CTNND2: variants seen among roughly 807,000 people sequenced by gnomAD.
The protein encoded by CTNND2 is catenin delta-2.
CTNND2 carries 22 observed loss-of-function variants against 144.4 expected under a neutral mutation model. The ratio of observed to expected loss-of-function variants is 0.15; its 90% CI spans 0.11 to 0.22. The LOEUF (loss-of-function observed/expected upper bound fraction) is 0.22. Ranked by LOEUF, CTNND2 falls within the 10% of genes least tolerant of loss-of-function variation. The pLI, the probability that CTNND2 is intolerant of heterozygous loss-of-function variation, is 1.00. For synonymous variants in CTNND2, 751 were observed against 695.6 expected, an observed-to-expected ratio of 1.08 and a Z score of -1.25; for missense variants, 1,353 against 1,618.8, an observed-to-expected ratio of 0.84 and a Z score of 2.82.
Position 11,140,881 on chromosome 5 carries a change from G to A in CTNND2, c.2159+18695C>T, listed in dbSNP as rs913546210. Among the ~76,000 whole-genome samples the A allele has an allele frequency of 1.1e-4, 16 of 152,158 alleles. 1 individual carries two copies. Among genetic ancestry groups the A allele is most frequent in the Admixed American group, 5.9e-4 (9 of 15,274 alleles). On this transcript the variant is annotated intron_variant, in intron 12 of 21. Transcript: ENST00000304623. ...AATTAACTGGTTTGGCTCTGGGTTG[G>A]AAGGTAAGAGACAATTACTAATACT...
chr5:11,110,548 T>C (rs989172690), intron 14 of CTNND2, among the ~76,000 whole-genome samples: 2 of 152,174 alleles, frequency 1.3e-5, no homozygotes, highest in African/African-American at 4.8e-5. Context: ...GCTCCGACAA[T>C]GCCCTAAGTA....
intron 3 of CTNND2, among the ~76,000 whole-genome samples, chr5:11,531,061 C>T (rs1177733680): frequency 6.6e-6 from 1 of 152,200 alleles, no homozygotes; most frequent in Non-Finnish European, 1.5e-5. Context: ...GTTTACTCTA[C>T]TGGCAAGAGA....
chr5:11,903,692 C>T lies in CTNND2; in HGVS notation c.37+125G>A. 2 of 1,051,320 alleles carry T rather than the reference C, an allele frequency of 1.9e-6. No homozygotes were observed. The highest frequency in any genetic ancestry group is 2.5e-6 in the Non-Finnish European group (2 of 785,604). 65.1% of individuals were successfully genotyped at this position (1,051,320 alleles called of 1,614,324 possible). ...TCCTCCCCGAGGCAGGCAGAAACCC[C>T]GCAGCAGCCGCCGCCGCCGCCTGCC... On this transcript the variant is annotated intron_variant, in intron 1 of 21. Coordinates refer to ENST00000304623, the MANE Select transcript of CTNND2 (RefSeq NM_001332.4). The surrounding 1 kb of genome is among the most constrained non-coding windows in gnomAD (Gnocchi z 5.4).
At chr5:11,664,159 C>A (rs946269695) in intron 2 of CTNND2, among the ~76,000 whole-genome samples, 13 of 152,150 alleles carry the variant, frequency 8.5e-5, no homozygotes, top group Non-Finnish European at 1.5e-5. Context: ...AACCTTGATA[C>A]CTTTATTCAA....
chr5:11,727,221 C>T (rs989855124), intron 2 of CTNND2, among the ~76,000 whole-genome samples: 9 of 152,194 alleles, frequency 5.9e-5, no homozygotes, highest in African/African-American at 2.2e-4. Context: ...CATCCCTTTC[C>T]TTCATACATG....
intron 18 of CTNND2, among the ~76,000 whole-genome samples, chr5:10,994,893 G>C (rs1739177182): frequency 6.6e-6 from 1 of 152,132 alleles, no homozygotes; most frequent in Non-Finnish European, 1.5e-5. Context: ...CACACTGGAG[G>C]GTTTGCTGGT....
chr5:11,171,753 T>G (rs896505875), intron 11 of CTNND2, among the ~76,000 whole-genome samples: 7 of 152,170 alleles, frequency 4.6e-5, no homozygotes, highest in African/African-American at 1.7e-4. Context: ...AAAGTCACCA[T>G]GGGAGGGCAT....
chr5:11,453,332 T>C (rs1765452746), intron 3 of CTNND2, among the ~76,000 whole-genome samples: 1 of 152,212 alleles, frequency 6.6e-6, no homozygotes, highest in Admixed American at 6.5e-5. Context: ...CAATGACATA[T>C]GCGGCTGCAG....
At chr5:11,716,104 A>G (rs1013432932) in intron 2 of CTNND2, among the ~76,000 whole-genome samples, 4 of 152,198 alleles carry the variant, frequency 2.6e-5, no homozygotes, top group African/African-American at 9.6e-5. Flanking sequence ...CAACATGAGC[A>G]TGGGGTATCT....
intron 10 of CTNND2, among the ~76,000 whole-genome samples, chr5:11,225,486 G>C: frequency 6.6e-6 from 1 of 152,170 alleles, no homozygotes; most frequent in East Asian, 1.9e-4. Context: ...CTTCTTCAGA[G>C]ATTCTCTTCC....
chr5:11,106,606 G>T (rs950800220), intron 14 of CTNND2, among the ~76,000 whole-genome samples: 1 of 152,164 alleles, frequency 6.6e-6, no homozygotes, highest in South Asian at 2.1e-4. Context: ...TACAAGTTGG[G>T]TTTTTGTTCA....
chr5:11,265,274 T>C (rs1300914601), intron 9 of CTNND2, among the ~76,000 whole-genome samples: 1 of 152,182 alleles, frequency 6.6e-6, no homozygotes, highest in Admixed American at 6.5e-5. Context: ...AAAAATAATG[T>C]ACATGAGAGA....
chr5:11,720,702 T>C (rs1281995301), intron 2 of CTNND2, among the ~76,000 whole-genome samples: 1 of 152,226 alleles, frequency 6.6e-6, no homozygotes, highest in Non-Finnish European at 1.5e-5. Flanking sequence ...GCTAATATTT[T>C]TAAATATAAT....
At chr5:11,844,399 CACACAT>C (rs1794637456) in intron 1 of CTNND2, among the ~76,000 whole-genome samples, 1 of 152,070 alleles carries the variant, frequency 6.6e-6, no homozygotes, top group Admixed American at 6.6e-5. Context: ...CACACATACA[CACACAT>C]ACACATACAC....
chr5:11,240,509 A>T (rs1304549584), intron 9 of CTNND2, among the ~76,000 whole-genome samples: 5 of 114,086 alleles, frequency 4.4e-5, no homozygotes, highest in Non-Finnish European at 7.1e-5. Flanking sequence ...CACACACCCA[A>T]CACACACACA....
intron 1 of CTNND2, among the ~76,000 whole-genome samples, chr5:11,848,462 A>C (rs1415165512): frequency 2.0e-5 from 3 of 152,182 alleles, no homozygotes; most frequent in African/African-American, 7.2e-5. Context: ...TGGGAAAATT[A>C]ATTACTACCC....
At chr5:11,122,870 G>A (rs1754284995) in intron 12 of CTNND2, among the ~76,000 whole-genome samples, 1 of 152,184 alleles carries the variant, frequency 6.6e-6, no homozygotes, top group South Asian at 2.1e-4. Flanking sequence ...GCAGGCCGGG[G>A]AGGCAGAAGA....
At chr5:11,798,911 G>C (rs1791539753) in intron 1 of CTNND2, among the ~76,000 whole-genome samples, 1 of 152,258 alleles carries the variant, frequency 6.6e-6, no homozygotes, top group Admixed American at 6.5e-5. Flanking sequence ...ACTTTAAAAT[G>C]TTTGTGCTCT....
intron 2 of CTNND2, among the ~76,000 whole-genome samples, chr5:11,712,110 T>C (rs1206156764): frequency 6.6e-6 from 1 of 152,196 alleles, no homozygotes; most frequent in Non-Finnish European, 1.5e-5. Flanking sequence ...AGCTCCATCA[T>C]GTAGCATAAG....
Sources: gnomAD v4.1 joint callset for allele counts (sites outside exome capture counted in the v4.1 genomes callset) on GRCh38, gnomAD v4.1.1 for gene constraint, Gnocchi (gnomAD v3.1) non-coding constraint, MANE v1.5 for transcripts, NCBI Gene and HGNC (gene_info 2026-07-23, HGNC 2026-07-21) for gene names.